NEK1: variants seen among roughly 807,000 people sequenced by gnomAD.
NEK1 encodes the protein NIMA related kinase 1.
A neutral mutation model predicts 182.1 loss-of-function variants in NEK1; 137 were observed. The observed-to-expected ratio is 0.75, with a 90% CI of 0.65 to 0.87. The LOEUF (loss-of-function observed/expected upper bound fraction) is 0.87. Ranked by LOEUF, NEK1 falls within the 40% of genes least tolerant of loss-of-function variation. The pLI, the probability that NEK1 is intolerant of heterozygous loss-of-function variation, is 0.00. For missense variants in NEK1, 1,391 were observed against 1,494.4 expected (o/e 0.93, Z 1.14); for synonymous variants, 513 against 492.2 (o/e 1.04, Z -0.56).
chr4:169,581,099 A>C (rs1393844308), intron 10 of NEK1, among the ~76,000 whole-genome samples, 197 bp from the exon 11 acceptor site: 2 of 148,854 alleles, frequency 1.3e-5, no homozygotes. Flanking sequence ...CTGAAATCCC[A>C]GCACTTTAGG....
At chr4:169,588,771 A>G in intron 7 of NEK1, 36 bp from the exon 8 acceptor site, 1 of 1,289,442 alleles carries the variant, frequency 7.8e-7, no homozygotes, top group Non-Finnish European at 1.1e-6. Flanking sequence ...GAAGTTAAAG[A>G]CACAGTCATG....
intron 19 of NEK1, among the ~76,000 whole-genome samples, chr4:169,527,088 T>C (rs968175296): frequency 1.3e-5 from 2 of 152,096 alleles, no homozygotes; most frequent in African/African-American, 4.8e-5. Flanking sequence ...AAAGATTAAC[T>C]ACAAGAGAAA....
At chr4:169,459,716 T>C (rs1172331069) in intron 27 of NEK1, among the ~76,000 whole-genome samples, 4 of 152,128 alleles carry the variant, frequency 2.6e-5, no homozygotes, top group Admixed American at 6.6e-5. Context: ...AATGAGCTAT[T>C]GAGACACAAA....
chr4:169,478,149 G>A (rs558502960), intron 24 of NEK1, among the ~76,000 whole-genome samples: 73 of 152,032 alleles, frequency 4.8e-4, no homozygotes, highest in Middle Eastern at 6.8e-3. Flanking sequence ...TAGCAGTTAC[G>A]AAAGCTATGA....
At chr4:169,496,663 A>G (rs1313028345) in intron 23 of NEK1, among the ~76,000 whole-genome samples, 1 of 149,344 alleles carries the variant, frequency 6.7e-6, no homozygotes, top group African/African-American at 2.6e-5. Flanking sequence ...TGAGATAATC[A>G]TGTGGTTTTT....
chr4:169,394,376 A>G lies in NEK1; in HGVS notation c.*134T>C. Reference sequence around the variant, plus strand: ...AATGGCATGTTTCTCCATCTTTTTCATGCAATAAGAAAGTCCATCTTAAAT... The same window carrying G: ...AATGGCATGTTTCTCCATCTTTTTCGTGCAATAAGAAAGTCCATCTTAAAT... On this transcript the variant is annotated 3_prime_UTR_variant, in exon 36 of 36. Coordinates refer to ENST00000507142, the MANE Select transcript of NEK1 (RefSeq NM_001199397.3). 1 of 571,534 alleles carries G rather than the reference A, an allele frequency of 1.7e-6. No homozygotes were observed. Among genetic ancestry groups the G allele is most frequent in the African/African-American group, 2.0e-5 (1 of 50,878 alleles). The allele number at this position is 571,534 out of a possible 1,614,324, so 35.4% of individuals were successfully genotyped here. A position where few individuals can be genotyped will look rare whatever the true frequency, so the allele number is the denominator to read the frequency against.
intron 29 of NEK1, among the ~76,000 whole-genome samples, chr4:169,429,312 T>C (rs1277597253): frequency 1.3e-5 from 2 of 152,216 alleles, no homozygotes; most frequent in Non-Finnish European, 2.9e-5. Context: ...GGAATGAATA[T>C]TCCTGCATTT....
chr4:169,458,924 A>T (rs981532651), intron 27 of NEK1, among the ~76,000 whole-genome samples: 12 of 152,106 alleles, frequency 7.9e-5, no homozygotes, highest in African/African-American at 2.9e-4. Flanking sequence ...AAAATGCTCC[A>T]AAATATGAAC....
chr4:169,508,659 A>T (rs949509487), intron 20 of NEK1, 110 bp downstream of exon 20: 1 of 814,556 alleles, frequency 1.2e-6, no homozygotes, highest in African/African-American at 1.7e-5. Context: ...GTCCCTACAG[A>T]CCTACAAAAT....
intron 12 of NEK1, among the ~76,000 whole-genome samples, chr4:169,562,841 C>T (rs897797080): frequency 8.6e-5 from 13 of 152,010 alleles, no homozygotes; most frequent in African/African-American, 3.1e-4. Flanking sequence ...TAGATATTTA[C>T]ATTTCTTCTT....
intron 27 of NEK1, among the ~76,000 whole-genome samples, chr4:169,461,236 CTAGAA>C (rs1321885451): frequency 6.6e-6 from 1 of 152,126 alleles, no homozygotes; most frequent in Non-Finnish European, 1.5e-5. Context: ...TTTGCATATA[CTAGAA>C]TAGCATACTG....
At chr4:169,601,727 T>C (rs1412962673) in intron 4 of NEK1, among the ~76,000 whole-genome samples, 9 of 152,038 alleles carry the variant, frequency 5.9e-5, no homozygotes, top group Admixed American at 3.9e-4. Flanking sequence ...ACAGGCACAG[T>C]TGGGAGGCTG....
intron 11 of NEK1, among the ~76,000 whole-genome samples, chr4:169,580,129 C>T (rs907734373): frequency 2.0e-5 from 3 of 151,980 alleles, no homozygotes; most frequent in Non-Finnish European, 4.4e-5. Flanking sequence ...TAAAAGAAAA[C>T]CTATCTTTAA....
At chr4:169,543,165 T>C (rs1759750559) in intron 18 of NEK1, among the ~76,000 whole-genome samples, 1 of 152,208 alleles carries the variant, frequency 6.6e-6, no homozygotes, top group African/African-American at 2.4e-5. Context: ...AATTTTTGTA[T>C]AAGATGTAAG....
chr4:169,565,766 A>T (rs1358985911), intron 12 of NEK1, among the ~76,000 whole-genome samples: 1 of 152,230 alleles, frequency 6.6e-6, no homozygotes, highest in Non-Finnish European at 1.5e-5. Context: ...GTATAGAAAC[A>T]GAAAGTAGAT....
intron 12 of NEK1, among the ~76,000 whole-genome samples, chr4:169,574,768 C>T (rs938290491): frequency 1.3e-5 from 2 of 152,056 alleles, no homozygotes; most frequent in African/African-American, 4.8e-5. Flanking sequence ...GCAAGGGAAA[C>T]ATTTCCTTCA....
intron 27 of NEK1, among the ~76,000 whole-genome samples, chr4:169,459,694 G>A (rs1022014029): frequency 6.6e-6 from 1 of 152,066 alleles, no homozygotes; most frequent in Admixed American, 6.6e-5. Context: ...GTAATATTCT[G>A]CGCTAAAAAG....
intron 2 of NEK1, among the ~76,000 whole-genome samples, chr4:169,608,141 AG>A (rs1467801670): frequency 2.0e-5 from 3 of 152,162 alleles, no homozygotes; most frequent in South Asian, 2.1e-4. Context: ...ACACACACAA[AG>A]AAGAAGAAGA....
chr4:169,435,237 GGTAGAAA>G (rs1466196812), intron 28 of NEK1, among the ~76,000 whole-genome samples: 2 of 150,034 alleles, frequency 1.3e-5, no homozygotes, highest in Non-Finnish European at 3.0e-5. Flanking sequence ...ATCCGTATGT[GGTAGAAA>G]GCAGAAAGCT....
Sources: gnomAD v4.1 joint callset for allele counts (sites outside exome capture counted in the v4.1 genomes callset) on GRCh38, gnomAD v4.1.1 for gene constraint, MANE v1.5 for transcripts, NCBI Gene and HGNC (gene_info 2026-07-23, HGNC 2026-07-21) for gene names.